The following MEOX2 variants were observed in gnomAD, a reference collection of about 807,000 sequenced individuals.
The protein encoded by MEOX2 is mesenchyme homeobox 2.
A neutral mutation model predicts 27.0 loss-of-function variants in MEOX2; 11 were observed. The ratio of observed to expected loss-of-function variants is 0.41; its 90% CI spans 0.26 to 0.68. The LOEUF (loss-of-function observed/expected upper bound fraction) is 0.68, where lower values mean the gene tolerates loss of function less well. Ranked by LOEUF, MEOX2 falls within the 30% of genes least tolerant of loss-of-function variation. MEOX2 has a pLI of 0.33. For synonymous variants in MEOX2, 189 were observed against 155.4 expected (o/e 1.22, Z -1.61); for missense variants, 436 against 385.4 (o/e 1.13, Z -1.10).
chr7:15,628,545 T>A (rs1781351982), intron 1 of MEOX2, among the ~76,000 whole-genome samples: 1 of 152,150 alleles, frequency 6.6e-6, no homozygotes, highest in Non-Finnish European at 1.5e-5. Context: ...GCTTCTCACC[T>A]TAGCAGGGTA....
chr7:15,663,425 C>A (rs961437134), intron 1 of MEOX2, among the ~76,000 whole-genome samples: 3 of 151,840 alleles, frequency 2.0e-5, no homozygotes, highest in Non-Finnish European at 4.4e-5. Context: ...CTCCTCCTCC[C>A]GGGTTTAAGC....
chr7:15,682,509 C>T (rs1227152837), intron 1 of MEOX2, among the ~76,000 whole-genome samples: 1 of 151,754 alleles, frequency 6.6e-6, no homozygotes, highest in African/African-American at 2.4e-5. Flanking sequence ...GATTCAAAAC[C>T]TAGTAAAGTC....
At chr7:15,666,191 G>A (rs761835507) in intron 1 of MEOX2, among the ~76,000 whole-genome samples, 2 of 152,096 alleles carry the variant, frequency 1.3e-5, no homozygotes, top group Non-Finnish European at 2.9e-5. Flanking sequence ...GTCAGTCCTC[G>A]AAACATGGGA....
intron 1 of MEOX2, among the ~76,000 whole-genome samples, chr7:15,627,808 A>AACACACACACACACACACACACAC (rs71549949): frequency 0.019 from 2,830 of 147,342 alleles, 83 homozygotes; most frequent in African/African-American, 0.059. Context: ...ATCAATAGTA[A>AACACACACACACACACACACACAC]ACACACACAC....
chr7:15,666,138 AG>A (rs1402141169), intron 1 of MEOX2, among the ~76,000 whole-genome samples: 1 of 152,188 alleles, frequency 6.6e-6, no homozygotes, highest in Non-Finnish European at 1.5e-5. Flanking sequence ...AAACTCAGAA[AG>A]GGCTAAAAGT....
chr7:15,631,933 G>GTGTGTGTGTGTGTGT (rs66500166), intron 1 of MEOX2, among the ~76,000 whole-genome samples: 860 of 32,458 alleles, frequency 0.026, 18 homozygotes, highest in African/African-American at 0.049. Flanking sequence ...TGTGTGTGTG[G>GTGTGTGTGTGTGTGT]AGAGAAAGAG....
rs576997888 is a variant in MEOX2 at position 15,621,761 on chromosome 7, G to C, written c.690+4985C>G. On this transcript the variant is annotated intron_variant, in intron 2 of 2. Coordinates refer to ENST00000262041, the MANE Select transcript of MEOX2 (RefSeq NM_005924.5). ...ATGTACAATTTCCACATGACAATATGTCTAAAGACTAGTTCTGATTGTAAA... is the reference window on the plus strand; with the variant it reads ...ATGTACAATTTCCACATGACAATATCTCTAAAGACTAGTTCTGATTGTAAA... Among the ~76,000 whole-genome samples the C allele has an allele frequency of 3.3e-5, 5 of 152,248 alleles. No individual in the cohort carries two copies. The South Asian group carries it at 1.0e-3, about 32-fold the overall frequency.
At chr7:15,655,301 C>G (rs950147715) in intron 1 of MEOX2, among the ~76,000 whole-genome samples, 1 of 151,522 alleles carries the variant, frequency 6.6e-6, no homozygotes, top group African/African-American at 2.4e-5. Flanking sequence ...AGAAGATTAT[C>G]AGTTTTAAAA....
Position 15,626,811 on chromosome 7 carries a change from G to T in MEOX2, c.625C>A (p.His209Asn). 1 of 1,610,344 alleles carries T rather than the reference G, an allele frequency of 6.2e-7. No individual in the cohort carries two copies. Among genetic ancestry groups the T allele is most frequent in the Non-Finnish European group, 8.5e-7 (1 of 1,178,812 alleles). ...IRELEAEFAH[H>N]NYLTRLRRYE... ...CGCCTCAGTCTGGTGAGATAATTAT[G>T]ATGGGCAAATTCTGCTTCAAGTTCT... The change falls in exon 2 of 3, where the codon CAT (histidine) becomes AAT (asparagine). Residue 209 changes from histidine to asparagine, a missense_variant. Coordinates refer to ENST00000262041, the MANE Select transcript of MEOX2 (RefSeq NM_005924.5).
At position 15,669,584 on chromosome 7, in the gene MEOX2, A is replaced by T. The variant is rs1191572649; in HGVS notation, c.517+16302T>A. Among the ~76,000 whole-genome samples, 4 of 152,330 alleles carry T rather than the reference A, an allele frequency of 2.6e-5. No homozygotes were observed. In the East Asian group the frequency reaches 7.7e-4, roughly 29 times the overall value. On this transcript the variant is annotated intron_variant, in intron 1 of 2. Transcript: ENST00000262041. ...CTGGTGAATAGTCCTCCTGCTTCCC[A>T]CATAGTCAAAACTCTGCAGTCGTGG...
chr7:15,621,668 T>A lies in MEOX2; in HGVS notation c.690+5078A>T, dbSNP rs569627000. Among the ~76,000 whole-genome samples the A allele has an allele frequency of 3.9e-5, 6 of 152,298 alleles. No homozygotes were observed. In the East Asian group the frequency reaches 1.2e-3, roughly 29 times the overall value. ...AATTTGTGTTGGATATACTGATCGGTGATATAAGTAAGGTAGGGGTAGCCA... is the reference window on the plus strand; with the variant it reads ...AATTTGTGTTGGATATACTGATCGGAGATATAAGTAAGGTAGGGGTAGCCA... On this transcript the variant is annotated intron_variant, in intron 2 of 2. Coordinates refer to ENST00000262041, the MANE Select transcript of MEOX2 (RefSeq NM_005924.5).
At chr7:15,623,049 T>A (rs1781245021) in intron 2 of MEOX2, among the ~76,000 whole-genome samples, 1 of 152,190 alleles carries the variant, frequency 6.6e-6, no homozygotes, top group African/African-American at 2.4e-5. Context: ...AAATGTGTGT[T>A]GTTTATAAGC....
intron 1 of MEOX2, among the ~76,000 whole-genome samples, chr7:15,660,514 A>G (rs1158747873): frequency 6.6e-6 from 1 of 152,062 alleles, no homozygotes; most frequent in Non-Finnish European, 1.5e-5. Flanking sequence ...ATCGTAAGAT[A>G]TTTAGCAGCT....
chr7:15,679,332 C>G (rs1782255444), intron 1 of MEOX2: 1 of 152,078 alleles, frequency 6.6e-6, no homozygotes, highest in South Asian at 2.1e-4. Flanking sequence ...TGCCATTGTC[C>G]TCTCTACTAG....
At chr7:15,658,010 A>T (rs1367641471) in intron 1 of MEOX2, among the ~76,000 whole-genome samples, 1 of 152,176 alleles carries the variant, frequency 6.6e-6, no homozygotes, top group Non-Finnish European at 1.5e-5. Context: ...TAGGATTTCT[A>T]GCTCCCCACT....
At chr7:15,666,246 T>C (rs1562611632) in intron 1 of MEOX2, among the ~76,000 whole-genome samples, 1 of 152,192 alleles carries the variant, frequency 6.6e-6, no homozygotes. Context: ...CTCAATGACT[T>C]CCATAGGCCT....
intron 2 of MEOX2, among the ~76,000 whole-genome samples, chr7:15,624,954 A>T (rs1781276702): frequency 6.6e-6 from 1 of 152,198 alleles, no homozygotes; most frequent in Non-Finnish European, 1.5e-5. Flanking sequence ...ACGTTTTCAA[A>T]CCAGATTTAC....
chr7:15,649,169 G>T (rs1583766901), intron 1 of MEOX2, among the ~76,000 whole-genome samples: 1 of 151,822 alleles, frequency 6.6e-6, no homozygotes, highest in Non-Finnish European at 1.5e-5. Flanking sequence ...AACATTTCAC[G>T]GTTTTTAAAT....
chr7:15,682,633 A>G (rs1455759365), intron 1 of MEOX2, among the ~76,000 whole-genome samples: 1 of 151,906 alleles, frequency 6.6e-6, no homozygotes, highest in Non-Finnish European at 1.5e-5. Flanking sequence ...ACCATGCACA[A>G]AAGCTAAAGT....
Sources: gnomAD v4.1 joint callset for allele counts (sites outside exome capture counted in the v4.1 genomes callset) on GRCh38, gnomAD v4.1.1 for gene constraint, MANE v1.5 for transcripts, NCBI Gene and HGNC (gene_info 2026-07-23, HGNC 2026-07-21) for gene names.